The following BRD4 variants were observed in gnomAD, a reference collection of about 807,000 sequenced individuals.
BRD4 encodes bromodomain containing 4, also known as bromodomain-containing protein 4.
A neutral mutation model predicts 142.1 loss-of-function variants in BRD4; 16 were observed. That is an observed-to-expected ratio of 0.11 (90% confidence interval 0.08 to 0.17). BRD4 has a LOEUF of 0.17. Among genes scored for constraint, BRD4 ranks in the 10% least tolerant of loss-of-function variants. The pLI is 1.00. For missense variants in BRD4, 1,424 were observed against 1,810.9 expected, an observed-to-expected ratio of 0.79 and a Z score of 3.88; for synonymous variants, 833 against 707.5, an observed-to-expected ratio of 1.18 and a Z score of -2.82.
At chr19:15,259,437 G>T (rs914539115) in intron 7 of BRD4, among the ~76,000 whole-genome samples, 1 of 152,186 alleles carries the variant, frequency 6.6e-6, no homozygotes, top group South Asian at 2.1e-4. Flanking sequence ...TCACTCTGAG[G>T]CCTCCTTCCA....
chr19:15,269,951 T>A (rs539148192), intron 2 of BRD4, among the ~76,000 whole-genome samples: 84 of 152,242 alleles, frequency 5.5e-4, no homozygotes, highest in Non-Finnish European at 5.9e-4. Flanking sequence ...GGTTTCCAGG[T>A]GTGAGGATCA....
rs752447345 is a variant in BRD4, at chr19:15,265,552, A to G, written c.651T>C (p.Pro217=). The G allele has an allele frequency of 2.5e-6, 4 of 1,613,936 alleles. No individual in the cohort carries two copies. The highest frequency in any genetic ancestry group is 1.3e-5 in the African/African-American group (1 of 74,888). Residue 217 remains proline, a synonymous_variant, in exon 5 of 20, where the codon CCT becomes CCC. Coordinates refer to ENST00000679869, the MANE Select transcript of BRD4 (RefSeq NM_001379291.1). ...QTQTPQPNPP[P]VQATPHPFPA... is the part of the protein sequence containing the mutation. Reference sequence around the variant, plus strand: ...GGAAGGGGTGAGGCGTGGCCTGCACAGGAGGAGGATTCGGCTGAGGGGTCT... The same window carrying G: ...GGAAGGGGTGAGGCGTGGCCTGCACGGGAGGAGGATTCGGCTGAGGGGTCT...
chr19:15,316,435 CA>C (rs1187720447), intron 1 of BRD4, among the ~76,000 whole-genome samples: 6 of 151,730 alleles, frequency 4.0e-5, no homozygotes, highest in African/African-American at 1.4e-4. Flanking sequence ...AATAAAAATA[CA>C]AAAAAACAGT....
Position 15,239,574 on chromosome 19 carries a change from T to TGA in BRD4, c.3446-53_3446-52insTC. ...TGGCCCACCTCACCCCAGTGGGGCA[T>TGA]GGTCCACCAGCCCCACAGCAAGCTT... On this transcript the variant is annotated intron_variant, in intron 16 of 19. Transcript: ENST00000679869. The surrounding 1 kb of genome is among the most constrained non-coding windows in gnomAD (Gnocchi z 7.4). The TGA allele has an allele frequency of 6.4e-7, 1 of 1,572,398 alleles. No individual in the cohort carries two copies. Among genetic ancestry groups the TGA allele is most frequent in the Non-Finnish European group, 8.6e-7 (1 of 1,164,074 alleles).
intron 1 of BRD4, among the ~76,000 whole-genome samples, chr19:15,291,028 A>G (rs1487693484): frequency 3.3e-5 from 5 of 152,180 alleles, no homozygotes; most frequent in Non-Finnish European, 7.3e-5. Context: ...CAGACCCTGC[A>G]AAACCCCCAA....
intron 2 of BRD4, among the ~76,000 whole-genome samples, chr19:15,270,994 C>A (rs1336703503): frequency 6.6e-6 from 1 of 152,168 alleles, no homozygotes; most frequent in East Asian, 1.9e-4. Context: ...TAGATTCACA[C>A]TCTGCCTGGA....
intron 3 of BRD4, 126 bp from the exon 4 acceptor site, chr19:15,267,677 G>A (rs980802550): frequency 1.6e-5 from 17 of 1,082,462 alleles, no homozygotes; most frequent in Non-Finnish European, 2.1e-5. Flanking sequence ...GTCCTTCCCC[G>A]ATCTGCACCC....
At chr19:15,323,104 G>A (rs528174030) in intron 1 of BRD4, among the ~76,000 whole-genome samples, 2 of 146,712 alleles carry the variant, frequency 1.4e-5, no homozygotes, top group East Asian at 4.0e-4. Context: ...TTAATTGGGA[G>A]GCTGAGGCAG....
intron 1 of BRD4, among the ~76,000 whole-genome samples, chr19:15,295,168 G>C (rs1212632830): frequency 6.6e-6 from 1 of 152,148 alleles, no homozygotes; most frequent in African/African-American, 2.4e-5. Flanking sequence ...CTGCAGCCTG[G>C]GGGTGCCACG....
chr19:15,317,601 T>G (rs1488596896), intron 1 of BRD4, among the ~76,000 whole-genome samples: 4 of 138,898 alleles, frequency 2.9e-5, no homozygotes, highest in Admixed American at 7.3e-5. Context: ...ACAATGGGAG[T>G]GGGGGGTGGT....
chr19:15,313,248 C>G (rs1206186484), intron 1 of BRD4, among the ~76,000 whole-genome samples: 1 of 151,556 alleles, frequency 6.6e-6, no homozygotes, highest in East Asian at 1.9e-4. Flanking sequence ...TGGCGGACAG[C>G]TAGAGTCCCA....
At chr19:15,258,021 G>A (rs888514825) in intron 7 of BRD4, among the ~76,000 whole-genome samples, 2 of 152,180 alleles carry the variant, frequency 1.3e-5, no homozygotes, top group African/African-American at 2.4e-5. Context: ...CCCCGGGGGC[G>A]CTGTGCTCAA....
At chr19:15,281,980 T>C (rs544304591) in intron 1 of BRD4, among the ~76,000 whole-genome samples, 7 of 152,300 alleles carry the variant, frequency 4.6e-5, no homozygotes, top group African/African-American at 1.4e-4. Context: ...ATTGTGCCAC[T>C]GCACTCCAGC....
chr19:15,323,557 G>A (rs1468984549), intron 1 of BRD4, among the ~76,000 whole-genome samples: 1 of 152,150 alleles, frequency 6.6e-6, no homozygotes, highest in Non-Finnish European at 1.5e-5. Context: ...AAACTTTGAA[G>A]GCTAATCCAC....
At chr19:15,307,332 A>G (rs913172412) in intron 1 of BRD4, among the ~76,000 whole-genome samples, 7 of 152,154 alleles carry the variant, frequency 4.6e-5, no homozygotes. Context: ...TGACAGGTGG[A>G]TGGAGTGCTT....
intron 11 of BRD4, among the ~76,000 whole-genome samples, chr19:15,245,387 A>G (rs1357319715): frequency 6.6e-6 from 1 of 151,918 alleles, no homozygotes; most frequent in African/African-American, 2.4e-5. Context: ...ACTCCGGGAG[A>G]AAAAAAAGGA....
chr19:15,239,285 G>A lies in BRD4; in HGVS notation c.3577-21C>T, dbSNP rs745444017. 3 of 1,613,242 alleles carry A rather than the reference G, an allele frequency of 1.9e-6. No homozygotes were observed. The highest frequency in any genetic ancestry group is 2.2e-5 in the East Asian group (1 of 44,850). On this transcript the variant is annotated intron_variant, in intron 17 of 19. Transcript: ENST00000679869. This position sits in a 1 kb window ranked among gnomAD's most constrained non-coding sequence, Gnocchi z 7.4. ...AGGTCCTGCAGAACAGAGAGGTTGG[G>A]GTGGGTGAGGGGTCTGCTGTGCCTA...
In BRD4 at chr19:15,265,388, G is replaced by A; in HGVS notation, c.815C>T (p.Pro272Leu). The A allele has an allele frequency of 6.6e-7, 1 of 1,523,110 alleles. No individual in the cohort carries two copies. Among genetic ancestry groups the A allele is most frequent in the South Asian group, 1.3e-5 (1 of 76,180 alleles). The allele number at this position is 1,523,110 out of a possible 1,614,324, so 94.3% of individuals were successfully genotyped here. Residue 272 changes from proline to leucine, a missense_variant, in exon 5 of 20, where the codon CCA becomes CTA. Pro to Leu is a moderately conservative substitution (Grantham distance 98, BLOSUM62 -3). Coordinates refer to ENST00000679869, the MANE Select transcript of BRD4 (RefSeq NM_001379291.1). ...APAPQPVQSH[P>L]PIIAATPQPV... ...CTGTGGGGTGGCCGCGATGATGGGT[G>A]GGTGGCTCTGTACGGGCTGGGGAGC...
At chr19:15,326,933 G>A (rs1159656279) in intron 1 of BRD4, among the ~76,000 whole-genome samples, 1 of 152,180 alleles carries the variant, frequency 6.6e-6, no homozygotes, top group East Asian at 1.9e-4. Flanking sequence ...CAAGTTTGGG[G>A]TGCATCTCCG....
Sources: gnomAD v4.1 joint callset for allele counts (sites outside exome capture counted in the v4.1 genomes callset) on GRCh38, gnomAD v4.1.1 for gene constraint, Gnocchi (gnomAD v3.1) non-coding constraint, MANE v1.5 for transcripts, NCBI Gene and HGNC (gene_info 2026-07-23, HGNC 2026-07-21) for gene names.